Variants in HIPK3 observed in about 807,000 individuals in gnomAD.
The protein encoded by HIPK3 is homeodomain interacting protein kinase 3.
In HIPK3, 47 loss-of-function variants were observed where a neutral mutation model predicts 124.2. The observed-to-expected ratio is 0.38, with a 90% CI of 0.30 to 0.48. The LOEUF is 0.48. HIPK3 is among the 20% of genes least tolerant of loss of function. HIPK3 has a pLI of 0.98. For synonymous variants in HIPK3, 482 were observed against 515.2 expected (o/e 0.94, Z 0.87); for missense variants, 1,286 against 1,454.3 (o/e 0.88, Z 1.88).
intron 1 of HIPK3, among the ~76,000 whole-genome samples, chr11:33,260,666 T>C (rs112229566): frequency 1.6e-4 from 24 of 152,328 alleles, no homozygotes; most frequent in African/African-American, 5.8e-4. Context: ...GTAGTTCCCA[T>C]TGGAACCTCA....
At chr11:33,319,496 C>CA (rs34485674) in intron 2 of HIPK3, among the ~76,000 whole-genome samples, 31,330 of 115,548 alleles carry the variant, frequency 0.27, 3,710 homozygotes, top group East Asian at 0.41. Flanking sequence ...AACTCCATCT[C>CA]AAAAAAAAAA....
At chr11:33,340,893 AT>A in intron 6 of HIPK3, 74 bp from the exon 7 acceptor site, 1 of 862,774 alleles carries the variant, frequency 1.2e-6, no homozygotes, top group Non-Finnish European at 1.7e-6. Context: ...TAATTTTTTT[AT>A]TTTGTCAATG....
At chr11:33,258,750 T>C in intron 1 of HIPK3, 1 of 979,420 alleles carries the variant, frequency 1.0e-6, no homozygotes, top group Non-Finnish European at 1.2e-6. Flanking sequence ...GGAATTGCGC[T>C]GAAGAGTGTG....
At chr11:33,258,470 C>T (rs1850732868) in intron 1 of HIPK3, 1 of 985,226 alleles carries the variant, frequency 1.0e-6, no homozygotes, top group South Asian at 4.7e-5. Flanking sequence ...GACGTGCGTG[C>T]GTGTGTGTGA....
Position 33,354,521 on chromosome 11 carries a change from A to T in HIPK3, c.*953A>T, listed in dbSNP as rs1853762995. 1 of 152,614 alleles carries T rather than the reference A, an allele frequency of 6.6e-6. No individual in the cohort carries two copies. Among genetic ancestry groups the T allele is most frequent in the Admixed American group, 6.5e-5 (1 of 15,272 alleles). The allele number at this position is 152,614 out of a possible 1,614,324, so 9.5% of individuals were successfully genotyped here. A position where few individuals can be genotyped will look rare whatever the true frequency, so the allele number is the denominator to read the frequency against. On this transcript the variant is annotated 3_prime_UTR_variant, in exon 17 of 17. Transcript: ENST00000303296. ...GACTTAATAAAATGTTTAGAGGTACAGTAGGCATGACTTTGGGTAGATAAT... is the reference window on the plus strand; with the variant it reads ...GACTTAATAAAATGTTTAGAGGTACTGTAGGCATGACTTTGGGTAGATAAT...
intron 14 of HIPK3, 84 bp downstream of exon 14, chr11:33,349,371 C>G (rs1372247367): frequency 9.6e-6 from 11 of 1,140,146 alleles, no homozygotes; most frequent in Non-Finnish European, 1.2e-5. Context: ...TAATAAGTAC[C>G]TGCCAGTTTA....
At chr11:33,285,211 A>T (rs148187752) in intron 1 of HIPK3, among the ~76,000 whole-genome samples, 1 of 152,362 alleles carries the variant, frequency 6.6e-6, no homozygotes, top group East Asian at 1.9e-4. Flanking sequence ...GGATGCAGGC[A>T]TAAAATAAAT....
At chr11:33,331,611 T>C (rs1348466693) in intron 3 of HIPK3, among the ~76,000 whole-genome samples, 3 of 152,160 alleles carry the variant, frequency 2.0e-5, no homozygotes, top group Non-Finnish European at 4.4e-5. Context: ...AGTCCTGGGC[T>C]TAAGCCATCC....
At chr11:33,324,115 T>C (rs907159655) in intron 2 of HIPK3, among the ~76,000 whole-genome samples, 4 of 152,240 alleles carry the variant, frequency 2.6e-5, no homozygotes, top group Non-Finnish European at 5.9e-5. Context: ...ATTCTTGCTA[T>C]GGTCTTTTCC....
chr11:33,286,761 T>G lies in HIPK3; in HGVS notation c.347T>G (p.Leu116Trp). 6.2e-7 allele frequency: 1 copy of G among 1,614,036 alleles called. No individual in the cohort carries two copies. The highest frequency in any genetic ancestry group is 8.5e-7 in the Non-Finnish European group (1 of 1,180,004). Residue 116 changes from leucine to tryptophan, a missense_variant, in exon 2 of 17, where the codon TTG becomes TGG. By Grantham distance (61) the Leu-to-Trp change is moderately conservative. Around this residue, in one of 3 missense-constraint regions of HIPK3, gnomAD observed 225 missense variants for 240.3 expected, o/e 0.94. Coordinates refer to ENST00000303296, the MANE Select transcript of HIPK3 (RefSeq NM_005734.5). Reference sequence around the variant, plus strand: ...CAGATTGGGGCGTGGCGAAACAGATTGCATTTCCTAGAAGGCCCCCAGCGA... The same window carrying G: ...CAGATTGGGGCGTGGCGAAACAGATGGCATTTCCTAGAAGGCCCCCAGCGA... ...APQIGAWRNR[L>W]HFLEGPQRCG... is the part of the protein sequence containing the mutation.
In HIPK3 at chr11:33,287,012, C is replaced by A. The variant is rs1332241715; in HGVS notation, c.598C>A (p.Leu200Ile). Reference protein sequence around the residue: ...LCSMKNTYEVLDFLGRGTFGQ... With the variant: ...LCSMKNTYEVIDFLGRGTFGQ... ...CTCCATGAAAAATACTTACGAAGTC[C>A]TTGATTTTCTTGGTCGAGGCACGTT... The change falls in exon 2 of 17, where the codon CTT (leucine) becomes ATT (isoleucine). Residue 200 changes from leucine to isoleucine, a missense_variant. Physicochemically the swap from Leu to Ile is conservative, Grantham distance 5 (BLOSUM62 2). Transcript: ENST00000303296. The A allele has an allele frequency of 6.2e-7, 1 of 1,614,102 alleles. No individual in the cohort carries two copies. Among genetic ancestry groups the A allele is most frequent in the South Asian group, 1.1e-5 (1 of 91,080 alleles).
At position 33,352,143 on chromosome 11, in the gene HIPK3, A is replaced by T. The variant is rs150461240; in HGVS notation, c.3049A>T (p.Ile1017Leu). The T allele has an allele frequency of 6.2e-7, 1 of 1,613,350 alleles. No homozygotes were observed. The highest frequency in any genetic ancestry group is 1.3e-5 in the African/African-American group (1 of 74,914). ...ADEHMANTDS[I>L]CQPLIKGRSA... ...AATATTTTATTCGTCGCCAGATTCTATATGCCAGCCATTAATAAAAGGACG... is the reference window on the plus strand; with the variant it reads ...AATATTTTATTCGTCGCCAGATTCTTTATGCCAGCCATTAATAAAAGGACG... The change falls in exon 16 of 17, where the codon ATA becomes TTA. Residue 1017 changes from isoleucine (I) to leucine (L), a missense_variant. By Grantham distance (5) the Ile-to-Leu change is conservative. This residue lies in a region of HIPK3 where 810 missense variants were observed against 864.9 expected (regional missense o/e 0.94). Coordinates refer to ENST00000303296, the MANE Select transcript of HIPK3 (RefSeq NM_005734.5).
At chr11:33,257,083 G>A (rs931619626), upstream of HIPK3, among the ~76,000 whole-genome samples, 1 of 152,172 alleles carries the variant, frequency 6.6e-6, no homozygotes, top group African/African-American at 2.4e-5. Flanking sequence ...GGCGGAGGGG[G>A]CATGGAGTGA....
chr11:33,340,421 AG>A (rs1201365137), intron 6 of HIPK3, among the ~76,000 whole-genome samples: 3 of 152,240 alleles, frequency 2.0e-5, no homozygotes, highest in Non-Finnish European at 4.4e-5. Flanking sequence ...TGGGAGATGA[AG>A]GGAGTAAATT....
At chr11:33,349,344 G>A in intron 14 of HIPK3, 57 bp downstream of exon 14, 1 of 1,409,520 alleles carries the variant, frequency 7.1e-7, no homozygotes, top group Non-Finnish European at 9.7e-7. Flanking sequence ...AAAAGCCTAC[G>A]ATTTCTTTCT....
Position 33,355,845 on chromosome 11 carries a change from A to AT in HIPK3, c.*2277_*2278insT, listed in dbSNP as rs1352066252. On this transcript the variant is annotated 3_prime_UTR_variant, in exon 17 of 17. Transcript: ENST00000303296. ...TATACAAATAGAAATATATATATAT[A>AT]AAAAATTAAATGTTTAAAAAGGAGT... 5 of 151,778 alleles carry AT rather than the reference A, an allele frequency of 3.3e-5. No individual in the cohort carries two copies. Among genetic ancestry groups the AT allele is most frequent in the African/African-American group, 4.8e-5 (2 of 41,408 alleles). 9.4% of individuals were successfully genotyped at this position (151,778 alleles called of 1,614,324 possible). A position where few individuals can be genotyped will look rare whatever the true frequency, so the allele number is the denominator to read the frequency against.
At chr11:33,269,684 C>T (rs959125449) in intron 1 of HIPK3, among the ~76,000 whole-genome samples, 2 of 152,088 alleles carry the variant, frequency 1.3e-5, no homozygotes, top group African/African-American at 4.8e-5. Flanking sequence ...GATTTCTGTT[C>T]ACTTCATAGC....
intron 1 of HIPK3, among the ~76,000 whole-genome samples, chr11:33,283,626 GCTATTGA>G (rs1402387638): frequency 4.0e-5 from 6 of 151,718 alleles, no homozygotes; most frequent in Non-Finnish European, 8.8e-5. Flanking sequence ...CCATACCTTA[GCTATTGA>G]CTATGGGCCA....
chr11:33,296,142 CTCA>C, intron 2 of HIPK3, among the ~76,000 whole-genome samples: 1 of 152,180 alleles, frequency 6.6e-6, no homozygotes. Context: ...GTAAATATCA[CTCA>C]TCATTCTTTG....
Sources: gnomAD v4.1 joint callset for allele counts (sites outside exome capture counted in the v4.1 genomes callset) on GRCh38, gnomAD v4.1.1 for gene constraint, gnomAD v4.1.1 regional missense constraint, MANE v1.5 for transcripts, NCBI Gene and HGNC (gene_info 2026-07-23, HGNC 2026-07-21) for gene names.